ZBED5: variants seen among roughly 807,000 people sequenced by gnomAD.
The protein encoded by ZBED5 is zinc finger BED domain-containing protein 5.
In ZBED5, 29 loss-of-function variants were observed where a neutral mutation model predicts 49.2. That is an observed-to-expected ratio of 0.59 (90% CI 0.44 to 0.80). The LOEUF (loss-of-function observed/expected upper bound fraction) is 0.80. ZBED5 is among the 30% of genes least tolerant of loss of function. The pLI, the probability that ZBED5 is intolerant of heterozygous loss-of-function variation, is 0.00. For synonymous variants in ZBED5, 281 were observed against 292.5 expected (o/e 0.96, Z 0.40); for missense variants, 775 against 812.9 (o/e 0.95, Z 0.57).
At position 10,854,647 on chromosome 11, in the gene ZBED5, G is replaced by GTT. The variant is rs1198961152; in HGVS notation, c.297_298dup (p.Thr100LysfsTer46). The GTT allele has an allele frequency of 6.4e-7, 1 of 1,551,112 alleles. No homozygotes were observed. Among genetic ancestry groups the GTT allele is most frequent in the Admixed American group, 2.0e-5 (1 of 50,944 alleles). Reference sequence around the variant, plus strand: ...TCTTCTTTTTGGTTTTTTACTAAATGTTATTTTGTTGGAATTGGATATAAA... The same window carrying GTT: ...TCTTCTTTTTGGTTTTTTACTAAATGTTTTATTTTGTTGGAATTGGATATAAA... On this transcript the variant is annotated frameshift_variant, in exon 3 of 3. Coordinates refer to ENST00000413761, the MANE Select transcript of ZBED5 (RefSeq NM_001143667.2). LOFTEE classifies it high-confidence loss of function. The surrounding 1 kb of genome is among the most constrained non-coding windows in gnomAD (Gnocchi z 5.0).
rs1328060943 is a variant in ZBED5, at chr11:10,855,558, C to T, written c.-141-472G>A. Reference sequence around the variant, plus strand: ...TGTAGTATTGTGAAATCTCTTTTAGCTTTTGATGCCTACTGTCATTAGATG... The same window carrying T: ...TGTAGTATTGTGAAATCTCTTTTAGTTTTTGATGCCTACTGTCATTAGATG... On this transcript the variant is annotated intron_variant, in intron 2 of 2. Coordinates refer to ENST00000413761, the MANE Select transcript of ZBED5 (RefSeq NM_001143667.2). The surrounding 1 kb of genome is among the most constrained non-coding windows in gnomAD (Gnocchi z 4.1). The T allele has an allele frequency of 6.6e-6, 1 of 152,144 alleles. No homozygotes were observed. Among genetic ancestry groups the T allele is most frequent in the African/African-American group, 2.4e-5 (1 of 41,412 alleles). 9.4% of individuals were successfully genotyped at this position (152,144 alleles called of 1,614,324 possible). A position where few individuals can be genotyped will look rare whatever the true frequency, so the allele number is the denominator to read the frequency against.
rs1290756340 is a variant in ZBED5, at chr11:10,856,225, AG to A, written c.-224del. ...TGCACTCTTCAAAAGAATAAAATTA[AG>A]GGATGGGGTGGGAAGGGGAGTAACC... On this transcript the variant is annotated 5_prime_UTR_variant, in exon 2 of 3. Transcript: ENST00000413761. 6.6e-6 allele frequency: 1 copy of A among 152,148 alleles called. No homozygotes were observed. Among genetic ancestry groups the A allele is most frequent in the Non-Finnish European group, 1.5e-5 (1 of 68,024 alleles). The allele number at this position is 152,148 out of a possible 1,614,324, so 9.4% of individuals were successfully genotyped here.
chr11:10,853,427 A>G lies in ZBED5; in HGVS notation c.1519T>C (p.Ser507Pro). The change falls in exon 3 of 3, where the codon TCA (serine) becomes CCA (proline). Residue 507 changes from serine to proline, a missense_variant. Transcript: ENST00000413761. The surrounding 1 kb of genome is among the most constrained non-coding windows in gnomAD (Gnocchi z 5.4). ...TVFTVFDKMS[S>P]LLRKLEFWAS... ...CAAAATTCCAATTTTCTTAACAATG[A>G]CGACATTTTATCAAATACTGTAAAA... 7 of 1,549,818 alleles carry G rather than the reference A, an allele frequency of 4.5e-6. No individual in the cohort carries two copies. The highest frequency in any genetic ancestry group is 6.1e-6 in the Non-Finnish European group (7 of 1,146,012).
At position 10,853,315 on chromosome 11, in the gene ZBED5, T is replaced by C. The variant is rs190420451; in HGVS notation, c.1631A>G (p.Asp544Gly). The change falls in exon 3 of 3, where the codon GAT becomes GGT. Residue 544 changes from aspartate to glycine, a missense_variant. Transcript: ENST00000413761. This position sits in a 1 kb window ranked among gnomAD's most constrained non-coding sequence, Gnocchi z 5.4. ...GTGCTGCACAATGGCACTGCAAATA[T>C]CTTTATCAACTGTAGAATTAATTTC... ...LTEINSTVDKDICSAIVQHLR... is the reference protein window; with the variant it reads ...LTEINSTVDKGICSAIVQHLR... The C allele has an allele frequency of 1.3e-6, 2 of 1,551,554 alleles. No homozygotes were observed. The highest frequency in any genetic ancestry group is 2.7e-5 in the African/African-American group (2 of 73,042).
At position 10,857,938 on chromosome 11, in the gene ZBED5, AAAAC is replaced by A. The variant is rs1263032551; in HGVS notation, c.-336_-333del. On this transcript the variant is annotated 5_prime_UTR_variant, in exon 1 of 3. Transcript: ENST00000413761. The surrounding 1 kb of genome is among the most constrained non-coding windows in gnomAD (Gnocchi z 6.3). ...GGAGGGGAGAGAGGGAGGGGAATGA[AAAAC>A]AAAACAGAGAGGAAAGAAGGATTCG... The A allele has an allele frequency of 1.8e-5, 3 of 170,912 alleles. No individual in the cohort carries two copies. Among genetic ancestry groups the A allele is most frequent in the African/African-American group, 7.1e-5 (3 of 42,234 alleles). 10.6% of individuals were successfully genotyped at this position (170,912 alleles called of 1,614,324 possible). A position where few individuals can be genotyped will look rare whatever the true frequency, so the allele number is the denominator to read the frequency against.
chr11:10,857,383 G>C lies in ZBED5; in HGVS notation c.-256+479C>G, dbSNP rs1463490433. On this transcript the variant is annotated intron_variant, in intron 1 of 2. Transcript: ENST00000413761. The surrounding 1 kb of genome is among the most constrained non-coding windows in gnomAD (Gnocchi z 6.3). The stretch of plus-strand genomic sequence containing the variant: ...TCACAATCCTTTCTCCCCTATCTTC[G>C]GGCGGTTCCGGCTGGGAACAATACC... 1 of 152,178 alleles carries C rather than the reference G, an allele frequency of 6.6e-6. No individual in the cohort carries two copies. Among genetic ancestry groups the C allele is most frequent in the Non-Finnish European group, 1.5e-5 (1 of 68,050 alleles). 9.4% of individuals were successfully genotyped at this position (152,178 alleles called of 1,614,324 possible). A position where few individuals can be genotyped will look rare whatever the true frequency, so the allele number is the denominator to read the frequency against.
At position 10,855,244 on chromosome 11, in the gene ZBED5, A is replaced by C. The variant is rs1045489707; in HGVS notation, c.-141-158T>G. 4.3e-6 allele frequency: 1 copy of C among 232,846 alleles called. No individual in the cohort carries two copies. The highest frequency in any genetic ancestry group is 2.3e-5 in the African/African-American group (1 of 43,864). 14.4% of individuals were successfully genotyped at this position (232,846 alleles called of 1,614,324 possible). On this transcript the variant is annotated intron_variant, in intron 2 of 2. Coordinates refer to ENST00000413761, the MANE Select transcript of ZBED5 (RefSeq NM_001143667.2). This position sits in a 1 kb window ranked among gnomAD's most constrained non-coding sequence, Gnocchi z 4.1. ...ACATTTATTAACTTAGAGAATATTAATATTCTATAAAACATAATTTGGGAA... is the reference window on the plus strand; with the variant it reads ...ACATTTATTAACTTAGAGAATATTACTATTCTATAAAACATAATTTGGGAA...
Position 10,854,993 on chromosome 11 carries a change from C to G in ZBED5, c.-48G>C. The G allele has an allele frequency of 6.6e-7, 1 of 1,519,890 alleles. No individual in the cohort carries two copies. The highest frequency in any genetic ancestry group is 8.8e-7 in the Non-Finnish European group (1 of 1,130,538). The allele number at this position is 1,519,890 out of a possible 1,614,324, so 94.2% of individuals were successfully genotyped here. ...ACATCAGTTAATTTGTAAATGCTGC[C>G]TATTCATCAATGCGCAGATGGAACA... On this transcript the variant is annotated 5_prime_UTR_variant, in exon 3 of 3. The change abolishes the stop of an existing upstream ORF in the 5' untranslated region. Transcript: ENST00000413761. This position sits in a 1 kb window ranked among gnomAD's most constrained non-coding sequence, Gnocchi z 5.0.
In ZBED5 at chr11:10,854,454, G is replaced by A; in HGVS notation, c.492C>T (p.Asp164=). The change falls in exon 3 of 3, where the codon GAC becomes GAT. Residue 164 remains aspartate, a synonymous_variant. Coordinates refer to ENST00000413761, the MANE Select transcript of ZBED5 (RefSeq NM_001143667.2). The surrounding 1 kb of genome is among the most constrained non-coding windows in gnomAD (Gnocchi z 5.0). ...ETKHAAYKDK[D]ISFFKQHLDS... is the part of the protein sequence containing the mutation. ...CGAGATGTTGCTTGAAAAAGCTTAT[G>A]TCTTTGTCTTTATATGCAGCATGTT... The A allele has an allele frequency of 6.4e-7, 1 of 1,551,324 alleles. No homozygotes were observed. The highest frequency in any genetic ancestry group is 8.7e-7 in the Non-Finnish European group (1 of 1,146,874).
chr11:10,853,252 G>A lies in ZBED5; in HGVS notation c.1694C>T (p.Pro565Leu), dbSNP rs937665792. 7 of 1,551,496 alleles carry A rather than the reference G, an allele frequency of 4.5e-6. No homozygotes were observed. The highest frequency in any genetic ancestry group is 2.4e-5 in the East Asian group (1 of 40,932). Residue 565 changes from proline (P) to leucine (L), a missense_variant, in exon 3 of 3, where the codon CCT (proline) becomes CTT (leucine). By Grantham distance (98) the Pro-to-Leu change is moderately conservative. Transcript: ENST00000413761. This position sits in a 1 kb window ranked among gnomAD's most constrained non-coding sequence, Gnocchi z 5.4. The stretch of plus-strand genomic sequence containing the variant: ...CCAAGCATTATTGTCATTTGTTACA[G>A]GAAAGTATTTTAACAGAGTAGCGCG... Reference protein sequence around the residue: ...GLRATLLKYFPVTNDNNAWVR... With the variant: ...GLRATLLKYFLVTNDNNAWVR...
At chr11:10,856,844 T>C (rs1244868161) in intron 1 of ZBED5, among the ~76,000 whole-genome samples, 2 of 152,144 alleles carry the variant, frequency 1.3e-5, no homozygotes, top group African/African-American at 4.8e-5. Flanking sequence ...CTCTTGTAAG[T>C]GAAAAACCAA....
In ZBED5 at chr11:10,853,966, A is replaced by G; in HGVS notation, c.980T>C (p.Phe327Ser). 2 of 1,551,604 alleles carry G rather than the reference A, an allele frequency of 1.3e-6. No individual in the cohort carries two copies. Among genetic ancestry groups the G allele is most frequent in the Non-Finnish European group, 1.7e-6 (2 of 1,146,942 alleles). The change falls in exon 3 of 3, where the codon TTT (phenylalanine) becomes TCT (serine). Residue 327 changes from phenylalanine (F) to serine (S), a missense_variant. Phe to Ser is a radical substitution (Grantham distance 155, BLOSUM62 -2). Transcript: ENST00000413761. This position sits in a 1 kb window ranked among gnomAD's most constrained non-coding sequence, Gnocchi z 5.4. ...CCATTCAATTTCATGTTTCTGCATA[A>G]AACTGTTGATACAGTTGAATATTTC... Reference protein sequence around the residue: ...GEEIFNCINSFMQKHEIEWEK... With the variant: ...GEEIFNCINSSMQKHEIEWEK...
In ZBED5 at chr11:10,853,975, A is replaced by C; in HGVS notation, c.971T>G (p.Ile324Ser). 6.4e-7 allele frequency: 1 copy of C among 1,551,548 alleles called. No homozygotes were observed. The highest frequency in any genetic ancestry group is 8.7e-7 in the Non-Finnish European group (1 of 1,146,932). ...TTCATGTTTCTGCATAAAACTGTTG[A>C]TACAGTTGAATATTTCTTCACCGGT... ...NATGEEIFNC[I>S]NSFMQKHEIE... The change falls in exon 3 of 3, where the codon ATC becomes AGC. Residue 324 changes from isoleucine (I) to serine (S), a missense_variant. Ile to Ser is a moderately radical substitution (Grantham distance 142). Transcript: ENST00000413761. This position sits in a 1 kb window ranked among gnomAD's most constrained non-coding sequence, Gnocchi z 5.4.
At position 10,857,784 on chromosome 11, in the gene ZBED5, A is replaced by G. The variant is rs547342421; in HGVS notation, c.-256+78T>C. The stretch of plus-strand genomic sequence containing the variant: ...GCCGCGGTCCACAGCAGAGCCCGCG[A>G]CCGCCATCTTAGGCAGTTCCAGGAA... On this transcript the variant is annotated intron_variant, in intron 1 of 2. Transcript: ENST00000413761. The surrounding 1 kb of genome is among the most constrained non-coding windows in gnomAD (Gnocchi z 6.3). 6.6e-6 allele frequency: 1 copy of G among 152,384 alleles called. No homozygotes were observed. The highest frequency in any genetic ancestry group is 2.1e-4 in the South Asian group (1 of 4,826). The allele number at this position is 152,384 out of a possible 1,614,324, so 9.4% of individuals were successfully genotyped here.
Position 10,853,369 on chromosome 11 carries a change from CAA to C in ZBED5, c.1575_1576del (p.Asp525GlufsTer7). 1 of 1,551,024 alleles carries C rather than the reference CAA, an allele frequency of 6.4e-7. No homozygotes were observed. The highest frequency in any genetic ancestry group is 1.2e-5 in the South Asian group (1 of 83,930). Reference sequence around the variant, plus strand: ...CAAAAAATCACTGAGTGTAGGAAAACAATCAAAGTTTTCTTCTTCTACAGATG... The same window carrying C: ...CAAAAAATCACTGAGTGTAGGAAAACTCAAAGTTTTCTTCTTCTACAGATG... On this transcript the variant is annotated frameshift_variant, in exon 3 of 3. Coordinates refer to ENST00000413761, the MANE Select transcript of ZBED5 (RefSeq NM_001143667.2). LOFTEE classifies it high-confidence loss of function. The surrounding 1 kb of genome is among the most constrained non-coding windows in gnomAD (Gnocchi z 5.4).
At position 10,853,697 on chromosome 11, in the gene ZBED5, C is replaced by T. The variant is rs1564997994; in HGVS notation, c.1249G>A (p.Glu417Lys). The T allele has an allele frequency of 1.9e-6, 3 of 1,551,532 alleles. No homozygotes were observed. The highest frequency in any genetic ancestry group is 2.6e-6 in the Non-Finnish European group (3 of 1,146,960). ...HQSRLLKILC[E>K]EMGAQHTALL... ...GCTGTGTGCTGAGCACCCATTTCCT[C>T]ACATAAAATTTTTAATAGTCTGGAT... Residue 417 changes from glutamate (E) to lysine (K), a missense_variant, in exon 3 of 3, where the codon GAG becomes AAG. By Grantham distance (56) the Glu-to-Lys change is moderately conservative. Coordinates refer to ENST00000413761, the MANE Select transcript of ZBED5 (RefSeq NM_001143667.2). This position sits in a 1 kb window ranked among gnomAD's most constrained non-coding sequence, Gnocchi z 5.4.
chr11:10,853,563 T>C lies in ZBED5; in HGVS notation c.1383A>G (p.Leu461=), dbSNP rs1438788821. ...AAGATGAATTTGTTAAACAATCAGA[T>C]AGTCGAAAAGCAGAATCCATGAAAA... The part of the protein sequence containing the change: ...LLVFMDSAFR[L]SDCLTNSSWL... Residue 461 remains leucine, a synonymous_variant, in exon 3 of 3, where the codon CTA becomes CTG. Transcript: ENST00000413761. This position sits in a 1 kb window ranked among gnomAD's most constrained non-coding sequence, Gnocchi z 5.4. The C allele has an allele frequency of 3.2e-6, 5 of 1,549,924 alleles. No individual in the cohort carries two copies. The highest frequency in any genetic ancestry group is 2.7e-5 in the African/African-American group (2 of 72,854).
chr11:10,854,218 A>G lies in ZBED5; in HGVS notation c.728T>C (p.Leu243Pro), dbSNP rs1848147140. Residue 243 changes from leucine to proline, a missense_variant, in exon 3 of 3, where the codon CTA becomes CCA. Physicochemically the swap from Leu to Pro is moderately conservative, Grantham distance 98 (BLOSUM62 -3). Coordinates refer to ENST00000413761, the MANE Select transcript of ZBED5 (RefSeq NM_001143667.2). This position sits in a 1 kb window ranked among gnomAD's most constrained non-coding sequence, Gnocchi z 5.0. The stretch of plus-strand genomic sequence containing the variant: ...TCGACGTGCAACAGTACTGTTTGAT[A>G]GCTGTACTGCATCTATTTTTTTACT... ...QYSKKIDAVQ[L>P]SNSTVARRIK... 1.3e-6 allele frequency: 2 copies of G among 1,551,080 alleles called. No individual in the cohort carries two copies. Among genetic ancestry groups the G allele is most frequent in the Non-Finnish European group, 1.7e-6 (2 of 1,146,554 alleles).
Position 10,855,737 on chromosome 11 carries a change from T to C in ZBED5, c.-142+407A>G, listed in dbSNP as rs1337682510. On this transcript the variant is annotated intron_variant, in intron 2 of 2. Coordinates refer to ENST00000413761, the MANE Select transcript of ZBED5 (RefSeq NM_001143667.2). This position sits in a 1 kb window ranked among gnomAD's most constrained non-coding sequence, Gnocchi z 4.1. The stretch of plus-strand genomic sequence containing the variant: ...TATGCGTTAACAATGAAGAATAAAT[T>C]GTATATCAAAAGTTAGGTACTGTTT... 6.6e-6 allele frequency: 1 copy of C among 152,180 alleles called. No individual in the cohort carries two copies. The highest frequency in any genetic ancestry group is 2.1e-4 in the South Asian group (1 of 4,832). The allele number at this position is 152,180 out of a possible 1,614,324, so 9.4% of individuals were successfully genotyped here.
Sources: gnomAD v4.1 joint callset for allele counts (sites outside exome capture counted in the v4.1 genomes callset) on GRCh38, gnomAD v4.1.1 for gene constraint, Gnocchi (gnomAD v3.1) non-coding constraint, MANE v1.5 for transcripts, NCBI Gene and HGNC (gene_info 2026-07-23, HGNC 2026-07-21) for gene names.